RARB: variants seen among roughly 807,000 people sequenced by gnomAD.
RARB encodes the protein HBV-activated protein.
In RARB, 17 loss-of-function variants were observed where a neutral mutation model predicts 51.9. The observed-to-expected ratio is 0.33, with a 90% CI of 0.22 to 0.49. The LOEUF (loss-of-function observed/expected upper bound fraction) is 0.49. Ranked by LOEUF, RARB falls within the 20% of genes least tolerant of loss-of-function variation. RARB has a pLI of 0.99. For synonymous variants in RARB, 215 were observed against 195.4 expected (o/e 1.10, Z -0.84); for missense variants, 369 against 550.8 (o/e 0.67, Z 3.30).
chr3:25,303,700 T>C (rs1704092291), intron 5 of RARB, among the ~76,000 whole-genome samples: 1 of 152,194 alleles, frequency 6.6e-6, no homozygotes, highest in Non-Finnish European at 1.5e-5. Context: ...CAGGTTTCCT[T>C]CTTTGTGAAA....
rs368782354 is a variant in RARB at position 25,214,291 on chromosome 3, G to C, written c.178+39716G>C. On this transcript the variant is annotated intron_variant, in intron 5 of 11. Transcript: ENST00000383772. The stretch of plus-strand genomic sequence containing the variant: ...TGGGTAAGAGAAGTTCTCTTTGAGC[G>C]ATTAACTTGAGCAAATGAGCTGCAT... Among the ~76,000 whole-genome samples, 37 of 152,200 alleles carry C rather than the reference G, an allele frequency of 2.4e-4. No individual in the cohort carries two copies. In the South Asian group the frequency reaches 7.5e-3, roughly 31 times the overall value.
intron 2 of RARB, among the ~76,000 whole-genome samples, chr3:24,911,004 CA>C (rs1168272771): frequency 6.6e-6 from 1 of 152,192 alleles, no homozygotes; most frequent in African/African-American, 2.4e-5. Context: ...CTATTGCTTC[CA>C]GCAGAATAAA....
At chr3:25,287,900 A>G (rs1456458842) in intron 5 of RARB, among the ~76,000 whole-genome samples, 1 of 152,106 alleles carries the variant, frequency 6.6e-6, no homozygotes, top group East Asian at 1.9e-4. Flanking sequence ...CTGTGATCTT[A>G]AACATTCAGA....
intron 3 of RARB, among the ~76,000 whole-genome samples, chr3:25,505,366 G>A (rs1263339347): frequency 1.3e-5 from 2 of 152,102 alleles, no homozygotes; most frequent in Non-Finnish European, 2.9e-5. Context: ...CTATTTTATT[G>A]CCAGTGGTTA....
chr3:25,348,026 G>T (rs1226196658), intron 5 of RARB, among the ~76,000 whole-genome samples: 2 of 152,136 alleles, frequency 1.3e-5, no homozygotes, highest in Admixed American at 6.5e-5. Flanking sequence ...ACTGATTAAT[G>T]CACATTTTTC....
chr3:25,350,626 C>A (rs1413058175), intron 5 of RARB, among the ~76,000 whole-genome samples: 1 of 152,198 alleles, frequency 6.6e-6, no homozygotes, highest in African/African-American at 2.4e-5. Context: ...AAATGTAAAA[C>A]TCCCAGGGGA....
At chr3:25,522,867 G>C (rs1698461524) in intron 3 of RARB, among the ~76,000 whole-genome samples, 1 of 152,160 alleles carries the variant, frequency 6.6e-6, no homozygotes, top group Non-Finnish European at 1.5e-5. Flanking sequence ...CGCAGAGAAG[G>C]AGACCCAGGC....
At chr3:25,496,633 G>C (rs1997351) in intron 2 of RARB, among the ~76,000 whole-genome samples, 91,758 of 152,116 alleles carry the variant, frequency 0.6, 30,521 homozygotes, top group African/African-American at 0.9. Flanking sequence ...GCAGACAGTG[G>C]TATTGTTTTA....
At chr3:25,280,217 TG>T (rs1703487860) in intron 5 of RARB, among the ~76,000 whole-genome samples, 1 of 152,086 alleles carries the variant, frequency 6.6e-6, no homozygotes, top group Admixed American at 6.6e-5. Flanking sequence ...GCTAATAAAC[TG>T]GGGGGAACTT....
At position 25,106,456 on chromosome 3, in the gene RARB, TTG is replaced by T. The variant is rs1559468529; in HGVS notation, c.-327-25703_-327-25702del. Among the ~76,000 whole-genome samples, 26 of 52,028 alleles carry T rather than the reference TTG, an allele frequency of 5.0e-4. 1 individual carries two copies. In the Admixed American group the frequency reaches 5.4e-3, roughly 11 times the overall value. 34.1% of individuals were successfully genotyped at this position (52,028 alleles called of 152,430 possible). Reference sequence around the variant, plus strand: ...ATGCCCAGCTACTGTTTTTTGTTTTTTGTTTTTTTTTGTTTTGTTTTTTTTTT... The same window carrying T: ...ATGCCCAGCTACTGTTTTTTGTTTTTTTTTTTTTTGTTTTGTTTTTTTTTT... On this transcript the variant is annotated intron_variant, in intron 3 of 11. Coordinates refer to the RARB transcript ENST00000383772.
intron 5 of RARB, among the ~76,000 whole-genome samples, chr3:25,396,149 G>C (rs1049409354): frequency 1.6e-4 from 24 of 152,216 alleles, no homozygotes; most frequent in African/African-American, 5.5e-4. Context: ...TAGCCACCCA[G>C]CAGAGCTACT....
chr3:25,494,970 C>T (rs1463225274), intron 2 of RARB, among the ~76,000 whole-genome samples: 1 of 152,196 alleles, frequency 6.6e-6, no homozygotes, highest in Admixed American at 6.5e-5. Flanking sequence ...AAAGTTCTCT[C>T]AGGAGGTACT....
chr3:25,239,335 G>A (rs1702376284), intron 5 of RARB, among the ~76,000 whole-genome samples: 1 of 152,012 alleles, frequency 6.6e-6, no homozygotes, highest in Admixed American at 6.6e-5. Flanking sequence ...TTTTTATTTT[G>A]TTGGCTGTGC....
At chr3:24,911,839 T>C (rs1295210220) in intron 2 of RARB, among the ~76,000 whole-genome samples, 1 of 152,200 alleles carries the variant, frequency 6.6e-6, no homozygotes, top group African/African-American at 2.4e-5. Flanking sequence ...GAGTGTGTTT[T>C]TTCTAGGAAG....
intron 2 of RARB, among the ~76,000 whole-genome samples, chr3:25,050,808 G>T (rs1232670672): frequency 6.6e-6 from 1 of 152,102 alleles, no homozygotes; most frequent in Non-Finnish European, 1.5e-5. Flanking sequence ...TTATGAATAT[G>T]CAAATATTGC....
In RARB at chr3:25,463,920, T is replaced by C. The variant is rs1270293154; in HGVS notation, c.306+2579T>C. Reference sequence around the variant, plus strand: ...TCAGGAAAGTTATATGGGCAACCAGTTGGCAGCTGACTAAAAAGGAAGACA... The same window carrying C: ...TCAGGAAAGTTATATGGGCAACCAGCTGGCAGCTGACTAAAAAGGAAGACA... On this transcript the variant is annotated intron_variant, in intron 2 of 7. Transcript: ENST00000330688. Among the ~76,000 whole-genome samples, 3 of 152,294 alleles carry C rather than the reference T, an allele frequency of 2.0e-5. No individual in the cohort carries two copies. In the East Asian group the frequency reaches 5.8e-4, roughly 29 times the overall value.
intron 2 of RARB, among the ~76,000 whole-genome samples, chr3:25,046,292 A>T (rs1698212053): frequency 6.6e-6 from 1 of 152,206 alleles, no homozygotes; most frequent in African/African-American, 2.4e-5. Context: ...GAAAAGGATC[A>T]AAATAGTCAG....
At chr3:24,970,964 C>G (rs528307678) in intron 2 of RARB, among the ~76,000 whole-genome samples, 1 of 151,996 alleles carries the variant, frequency 6.6e-6, no homozygotes, top group South Asian at 2.1e-4. Flanking sequence ...CTCCTTTCAA[C>G]TAACTGCTCA....
intron 2 of RARB, among the ~76,000 whole-genome samples, chr3:24,924,915 C>T (rs4456829): frequency 0.039 from 5,912 of 152,096 alleles, 236 homozygotes; most frequent in East Asian, 0.18. Flanking sequence ...TAAGATGATG[C>T]CTGGCACATA....
Sources: gnomAD v4.1 joint callset for allele counts (sites outside exome capture counted in the v4.1 genomes callset) on GRCh38, gnomAD v4.1.1 for gene constraint, MANE v1.5 for transcripts, NCBI Gene and HGNC (gene_info 2026-07-23, HGNC 2026-07-21) for gene names.